Variants in FREM1 observed in about 807,000 individuals in gnomAD.
FREM1 encodes FRAS1 related extracellular matrix 1.
A neutral mutation model predicts 210.1 loss-of-function variants in FREM1; 220 were observed. That is an observed-to-expected ratio of 1.05 (90% CI 0.94 to 1.17). The LOEUF is 1.17. Among genes scored for constraint, FREM1 ranks in the 50% most tolerant of loss-of-function variants. The probability of loss-of-function intolerance (pLI) is 0.00; values close to 1 mark genes in which losing one functional copy is unlikely to be tolerated. For synonymous variants in FREM1, 1,189 were observed against 980.2 expected, an observed-to-expected ratio of 1.21 and a Z score of -3.98; for missense variants, 3,454 against 2,675.5, an observed-to-expected ratio of 1.29 and a Z score of -6.42.
In FREM1 at chr9:14,894,804, T is replaced by A. The variant is rs532552193; in HGVS notation, c.-268+15110A>T. 5.9e-5 allele frequency among the ~76,000 whole-genome samples: 9 copies of A among 152,384 alleles called. No individual in the cohort carries two copies. In the South Asian group the frequency reaches 1.7e-3, roughly 28 times the overall value. On this transcript the variant is annotated intron_variant, in intron 1 of 36. Transcript: ENST00000380880. ...ACTAGTTGTGAGTATTCTTAACTTA[T>A]GGCAATATAGTTATTTGCATAAGTG... is the stretch of plus-strand genomic sequence containing the variant.
intron 10 of FREM1, among the ~76,000 whole-genome samples, chr9:14,826,147 C>T (rs554008561): frequency 7.2e-6 from 1 of 138,986 alleles, no homozygotes; most frequent in Admixed American, 7.8e-5. Context: ...GGCTGGAGTG[C>T]AGTGGTGCGA....
chr9:14,788,789 A>G, intron 23 of FREM1, 130 bp downstream of exon 23: 2 of 757,016 alleles, frequency 2.6e-6, no homozygotes, highest in Non-Finnish European at 4.3e-6. Flanking sequence ...CAAATGATAG[A>G]ATTTCAAAGA....
intron 36 of FREM1, among the ~76,000 whole-genome samples, chr9:14,738,739 G>A (rs1840865502): frequency 6.6e-6 from 1 of 152,116 alleles, no homozygotes; most frequent in Non-Finnish European, 1.5e-5. Context: ...GCCGGGTGCG[G>A]TGGCTCATGC....
chr9:14,796,132 T>C (rs1265774474), intron 21 of FREM1, among the ~76,000 whole-genome samples: 2 of 152,166 alleles, frequency 1.3e-5, no homozygotes, highest in African/African-American at 4.8e-5. Flanking sequence ...AAGAACCTTA[T>C]CAGTGGCTCA....
chr9:14,904,730 T>C (rs1817395691), intron 1 of FREM1, among the ~76,000 whole-genome samples: 1 of 152,092 alleles, frequency 6.6e-6, no homozygotes, highest in Non-Finnish European at 1.5e-5. Context: ...GAGTGTGGAT[T>C]AGGTACTTTC....
chr9:14,783,222 C>T (rs1489697303), intron 24 of FREM1, among the ~76,000 whole-genome samples: 1 of 152,124 alleles, frequency 6.6e-6, no homozygotes, highest in Non-Finnish European at 1.5e-5. Flanking sequence ...GAGCAGCATC[C>T]TCTTTACTGA....
chr9:14,755,423 TC>T (rs1405279279), intron 29 of FREM1, among the ~76,000 whole-genome samples: 1 of 152,186 alleles, frequency 6.6e-6, no homozygotes, highest in Non-Finnish European at 1.5e-5. Flanking sequence ...GCAGAACATC[TC>T]CTTGGCAGGA....
chr9:14,784,598 G>A lies in FREM1; in HGVS notation c.4214C>T (p.Ser1405Phe). 6.2e-7 allele frequency: 1 copy of A among 1,602,648 alleles called. No individual in the cohort carries two copies. The highest frequency in any genetic ancestry group is 1.1e-5 in the South Asian group (1 of 89,140). The change falls in exon 24 of 37, where the codon TCT (serine) becomes TTT (phenylalanine). Residue 1405 changes from serine to phenylalanine, a missense_variant. Physicochemically the swap from Ser to Phe is radical, Grantham distance 155. Coordinates refer to ENST00000380880, the MANE Select transcript of FREM1 (RefSeq NM_001379081.2). ...IVILTKPLVV[S>F]KGDRGFLTTT... ...TGTTAAGAAACCTCTATCACCTTTAGACACCACGAGTGGTTTTGTAAGGAT... is the reference window on the plus strand; with the variant it reads ...TGTTAAGAAACCTCTATCACCTTTAAACACCACGAGTGGTTTTGTAAGGAT...
chr9:14,827,078 G>C (rs933047446), intron 10 of FREM1, among the ~76,000 whole-genome samples: 5 of 152,200 alleles, frequency 3.3e-5, no homozygotes, highest in African/African-American at 9.7e-5. Flanking sequence ...GTACAGACTG[G>C]AAGAATTTGG....
intron 29 of FREM1, among the ~76,000 whole-genome samples, chr9:14,753,208 T>C (rs972680162): frequency 6.6e-6 from 1 of 152,258 alleles, no homozygotes; most frequent in East Asian, 1.9e-4. Flanking sequence ...AGAGGTGTCA[T>C]TTTATGCAGA....
Position 14,797,627 on chromosome 9 carries a change from T to G in FREM1, c.3710A>C (p.Tyr1237Ser), listed in dbSNP as rs1852678433. 5 of 1,611,542 alleles carry G rather than the reference T, an allele frequency of 3.1e-6. No individual in the cohort carries two copies. Among genetic ancestry groups the G allele is most frequent in the Admixed American group, 1.7e-5 (1 of 59,834 alleles). Residue 1237 changes from tyrosine to serine, a missense_variant, in exon 21 of 37, where the codon TAC (tyrosine) becomes TCC (serine). Tyr to Ser is a moderately radical substitution (Grantham distance 144, BLOSUM62 -2). Coordinates refer to ENST00000380880, the MANE Select transcript of FREM1 (RefSeq NM_001379081.2). Reference sequence around the variant, plus strand: ...AAGGCTCTCTGAGTCATCATGCATGTACGTCAACCTCATTCCTGGAAGAAG... The same window carrying G: ...AAGGCTCTCTGAGTCATCATGCATGGACGTCAACCTCATTCCTGGAAGAAG... ...ELLKTGMRLT[Y>S]MHDDSESLAD...
intron 1 of FREM1, among the ~76,000 whole-genome samples, chr9:14,900,862 G>T (rs1043185460): frequency 1.3e-5 from 2 of 152,190 alleles, no homozygotes; most frequent in Non-Finnish European, 2.9e-5. Context: ...TTCTTTGGTA[G>T]GAGGACTCTG....
intron 21 of FREM1, among the ~76,000 whole-genome samples, chr9:14,795,766 C>A (rs1231439809): frequency 2.6e-5 from 4 of 152,126 alleles, no homozygotes; most frequent in Non-Finnish European, 5.9e-5. Flanking sequence ...GCATTTTCCA[C>A]AATTTTGGTG....
chr9:14,876,157 C>T (rs1327443652), intron 1 of FREM1, among the ~76,000 whole-genome samples: 1 of 152,122 alleles, frequency 6.6e-6, no homozygotes, highest in African/African-American at 2.4e-5. Context: ...GCAGTCTGCC[C>T]ATTCTCAGAT....
chr9:14,824,043 C>T lies in FREM1; in HGVS notation c.2151G>A (p.Glu717=). 1 of 1,593,132 alleles carries T rather than the reference C, an allele frequency of 6.3e-7. No homozygotes were observed. Among genetic ancestry groups the T allele is most frequent in the Non-Finnish European group, 8.6e-7 (1 of 1,168,214 alleles). The change falls in exon 12 of 37, where the codon GAG becomes GAA. Residue 717 remains glutamate (E), a synonymous_variant. Transcript: ENST00000380880. Reference sequence around the variant, plus strand: ...CTCATACCTGAGTGAATGACCTCAGCTCCAGGGCCGTAGGATTCTTAACTA... The same window carrying T: ...CTCATACCTGAGTGAATGACCTCAGTTCCAGGGCCGTAGGATTCTTAACTA... ...PKVVKNPTAL[E]LRSFTQHAVN...
chr9:14,898,280 T>C (rs1014044512), intron 1 of FREM1, among the ~76,000 whole-genome samples: 1 of 152,190 alleles, frequency 6.6e-6, no homozygotes, highest in Non-Finnish European at 1.5e-5. Flanking sequence ...ATACTATCTG[T>C]CAATGTAAAT....
chr9:14,749,700 C>G (rs139784907), intron 30 of FREM1, among the ~76,000 whole-genome samples: 1 of 152,342 alleles, frequency 6.6e-6, no homozygotes, highest in Non-Finnish European at 1.5e-5. Context: ...TCTTTCACAT[C>G]TATTTTTCTC....
At chr9:14,848,601 A>G in intron 7 of FREM1, 64 bp downstream of exon 7, 1 of 899,648 alleles carries the variant, frequency 1.1e-6, no homozygotes, top group African/African-American at 1.6e-5. Flanking sequence ...TTCTTTCCTG[A>G]CCCATCTACT....
At chr9:14,747,175 C>G in intron 33 of FREM1, 89 bp downstream of exon 33, 2 of 1,573,302 alleles carry the variant, frequency 1.3e-6, no homozygotes, top group Non-Finnish European at 1.7e-6. Context: ...TCCCCCCAAC[C>G]TTGGAGGCTA....
Sources: allele counts gnomAD v4.1 joint callset (sites outside exome capture counted in the v4.1 genomes callset), GRCh38; gene constraint gnomAD v4.1.1; transcripts MANE v1.5; gene names NCBI Gene and HGNC (gene_info 2026-07-23, HGNC 2026-07-21).